VTI1A: variants seen among roughly 807,000 people sequenced by gnomAD.
The protein encoded by VTI1A is vesicle transport through interaction with t-SNAREs homolog 1A.
Under a neutral mutation model 34.9 loss-of-function variants are expected in VTI1A, and 22 were observed. That is an observed-to-expected ratio of 0.63 (90% CI 0.45 to 0.90). The LOEUF is 0.90. VTI1A is among the 40% of genes least tolerant of loss of function. The pLI, the probability that VTI1A is intolerant of heterozygous loss-of-function variation, is 0.00. For synonymous variants in VTI1A, 87 were observed against 97.3 expected, an observed-to-expected ratio of 0.89 and a Z score of 0.62; for missense variants, 268 against 275.6, an observed-to-expected ratio of 0.97 and a Z score of 0.20.
At chr10:112,692,852 C>G (rs116348268) in intron 7 of VTI1A, among the ~76,000 whole-genome samples, 1 of 152,228 alleles carries the variant, frequency 6.6e-6, no homozygotes, top group Non-Finnish European at 1.5e-5. Context: ...CTGGCCTTGG[C>G]GGGTTCCTTG....
chr10:112,510,628 T>G (rs1306954215), intron 3 of VTI1A, among the ~76,000 whole-genome samples: 1 of 151,974 alleles, frequency 6.6e-6, no homozygotes. Context: ...AGTGAGGCTT[T>G]GACTCAAAAA....
Position 112,817,197 on chromosome 10 carries a change from G to T in VTI1A, c.*1814G>T, listed in dbSNP as rs1159176113. The T allele has an allele frequency of 4.3e-6, 1 of 232,420 alleles. No individual in the cohort carries two copies. Among genetic ancestry groups the T allele is most frequent in the Non-Finnish European group, 8.5e-6 (1 of 117,616 alleles). 14.4% of individuals were successfully genotyped at this position (232,420 alleles called of 1,614,324 possible). ...CGAATAGTCATCGAGTATTACACCA[G>T]CCCCTCTGGTGGCTTCCTTCAAAAC... On this transcript the variant is annotated 3_prime_UTR_variant, in exon 8 of 8. Coordinates refer to ENST00000393077, the MANE Select transcript of VTI1A (RefSeq NM_145206.4).
At chr10:112,831,631 A>T in the VTI1A span, 1 of 152,198 alleles carries the variant, frequency 6.6e-6, no homozygotes, top group Non-Finnish European at 1.5e-5. Context: ...AGTACACTAA[A>T]CGTAAAACTT....
chr10:112,465,469 G>A (rs1015844973), intron 3 of VTI1A, among the ~76,000 whole-genome samples: 2 of 152,144 alleles, frequency 1.3e-5, no homozygotes, highest in African/African-American at 2.4e-5. Context: ...AGCATCCATT[G>A]TTAAATAAAT....
At chr10:112,459,957 A>G (rs1037940894) in intron 1 of VTI1A, among the ~76,000 whole-genome samples, 3 of 152,202 alleles carry the variant, frequency 2.0e-5, no homozygotes, top group African/African-American at 7.2e-5. Flanking sequence ...AGTCTCAGAA[A>G]AAAAGAGAAA....
At chr10:112,552,260 A>G (rs1230252660) in intron 5 of VTI1A, among the ~76,000 whole-genome samples, 2 of 152,336 alleles carry the variant, frequency 1.3e-5, no homozygotes, top group East Asian at 3.9e-4. Context: ...TATTTCCCCA[A>G]ATGCCATCTA....
At chr10:112,829,565 A>G in the VTI1A span, among the ~76,000 whole-genome samples, 3 of 152,174 alleles carry the variant, frequency 2.0e-5, no homozygotes, top group Admixed American at 1.3e-4. Flanking sequence ...AGCCTAGCCA[A>G]CACGGTGAAA....
intron 7 of VTI1A, among the ~76,000 whole-genome samples, chr10:112,771,861 G>A (rs1167585279): frequency 6.6e-6 from 1 of 152,072 alleles, no homozygotes; most frequent in Non-Finnish European, 1.5e-5. Context: ...GTTTATCCTG[G>A]TTATAACATG....
chr10:112,633,256 TTACA>T (rs1308921980), intron 5 of VTI1A, among the ~76,000 whole-genome samples: 2 of 152,282 alleles, frequency 1.3e-5, no homozygotes, highest in South Asian at 4.2e-4. Context: ...ATTACGGGAC[TTACA>T]TAATAATAGT....
intron 7 of VTI1A, among the ~76,000 whole-genome samples, chr10:112,789,937 AC>A (rs1338013991): frequency 1.5e-5 from 2 of 135,746 alleles, no homozygotes; most frequent in African/African-American, 5.5e-5. Flanking sequence ...TATAGATCAC[AC>A]CTTTTTTTCT....
chr10:112,606,250 C>T (rs1001358199), intron 5 of VTI1A, among the ~76,000 whole-genome samples: 6 of 152,040 alleles, frequency 3.9e-5, no homozygotes, highest in Non-Finnish European at 7.4e-5. Context: ...GCCTCGAACT[C>T]CTGACCTCAG....
chr10:112,799,170 C>T (rs913690777), intron 7 of VTI1A, among the ~76,000 whole-genome samples: 1 of 152,156 alleles, frequency 6.6e-6, no homozygotes, highest in Non-Finnish European at 1.5e-5. Context: ...CTGAGAGCCG[C>T]AGGGGTCAAG....
At chr10:112,705,065 TTTTAAG>T (rs1849148635) in intron 7 of VTI1A, among the ~76,000 whole-genome samples, 2 of 138,388 alleles carry the variant, frequency 1.4e-5, no homozygotes, top group South Asian at 4.3e-4. Flanking sequence ...CCGGCTAAGT[TTTTAAG>T]TTTTTTTTTT....
At chr10:112,460,628 T>A in intron 2 of VTI1A, 46 bp downstream of exon 2, 2 of 1,468,818 alleles carry the variant, frequency 1.4e-6, no homozygotes, top group Non-Finnish European at 1.8e-6. Context: ...CAGAGCCGTT[T>A]AAGCTAATGT....
chr10:112,718,043 A>G (rs1849671789), intron 7 of VTI1A, among the ~76,000 whole-genome samples: 2 of 152,198 alleles, frequency 1.3e-5, no homozygotes, highest in African/African-American at 4.8e-5. Flanking sequence ...TGTTGTCTGA[A>G]TGAGAGTCAG....
intron 7 of VTI1A, among the ~76,000 whole-genome samples, chr10:112,760,224 T>G (rs557260920): frequency 6.6e-6 from 1 of 152,336 alleles, no homozygotes; most frequent in South Asian, 2.1e-4. Flanking sequence ...TGGATAGTAC[T>G]AAGCCCTATT....
At chr10:112,752,670 G>T (rs1851142284) in intron 7 of VTI1A, 1 of 666,516 alleles carries the variant, frequency 1.5e-6, no homozygotes, top group Non-Finnish European at 1.9e-6. Context: ...TTCTAGAATA[G>T]ATGTTGCCTC....
At position 112,513,156 on chromosome 10, in the gene VTI1A, T is replaced by C. The variant is rs546020971; in HGVS notation, c.265-13931T>C. ...GTGGACATTTTCACAGTATTAATTC[T>C]TCTAGTCCGTGAACACAGGATATCT... On this transcript the variant is annotated intron_variant, in intron 3 of 7. Coordinates refer to ENST00000393077, the MANE Select transcript of VTI1A (RefSeq NM_145206.4). Among the ~76,000 whole-genome samples, 97 of 152,234 alleles carry C rather than the reference T, an allele frequency of 6.4e-4. No homozygotes were observed. The South Asian group carries it at 0.019, about 30-fold the overall frequency.
intron 3 of VTI1A, among the ~76,000 whole-genome samples, chr10:112,517,588 C>G (rs1382887475): frequency 6.6e-6 from 1 of 152,070 alleles, no homozygotes; most frequent in African/African-American, 2.4e-5. Context: ...AACACTACCT[C>G]AGCCAAGTAA....
Sources: gnomAD v4.1 joint callset for allele counts (sites outside exome capture counted in the v4.1 genomes callset) on GRCh38, gnomAD v4.1.1 for gene constraint, MANE v1.5 for transcripts, NCBI Gene and HGNC (gene_info 2026-07-23, HGNC 2026-07-21) for gene names.